ARHGAP44: variants seen among roughly 807,000 people sequenced by gnomAD.
ARHGAP44 encodes rho GTPase-activating protein 44.
In ARHGAP44, 43 loss-of-function variants were observed where a neutral mutation model predicts 106.8. The ratio of observed to expected loss-of-function variants is 0.40; its 90% CI spans 0.32 to 0.52. The LOEUF (loss-of-function observed/expected upper bound fraction) is 0.52. ARHGAP44 is among the 20% of genes least tolerant of loss of function. ARHGAP44 has a pLI of 0.48. For synonymous variants in ARHGAP44, 439 were observed against 410.3 expected (o/e 1.07, Z -0.85); for missense variants, 866 against 1,050.5 (o/e 0.82, Z 2.43).
chr17:12,879,716 T>C (rs201362412), intron 1 of ARHGAP44, among the ~76,000 whole-genome samples: 3 of 141,548 alleles, frequency 2.1e-5, no homozygotes, highest in Non-Finnish European at 4.7e-5. Context: ...CACACACAGT[T>C]AAAAAATATA....
chr17:12,943,033 A>G (rs899384934), intron 8 of ARHGAP44, among the ~76,000 whole-genome samples: 1 of 152,228 alleles, frequency 6.6e-6, no homozygotes, highest in African/African-American at 2.4e-5. Context: ...TAAGTCGTAC[A>G]TATCTCATAA....
At chr17:12,947,672 T>A (rs545741364) in intron 10 of ARHGAP44, among the ~76,000 whole-genome samples, 1 of 152,352 alleles carries the variant, frequency 6.6e-6, no homozygotes, top group African/African-American at 2.4e-5. Flanking sequence ...ATCTAAAGGC[T>A]TATCTGTGAC....
chr17:12,908,147 G>A (rs1185561437), intron 3 of ARHGAP44, among the ~76,000 whole-genome samples: 1 of 147,818 alleles, frequency 6.8e-6, no homozygotes, highest in East Asian at 2.0e-4. Context: ...ATAATTGCAT[G>A]TGAACACTTT....
At chr17:12,928,359 C>G (rs1209249571) in intron 6 of ARHGAP44, among the ~76,000 whole-genome samples, 1 of 152,140 alleles carries the variant, frequency 6.6e-6, no homozygotes, top group Non-Finnish European at 1.5e-5. Flanking sequence ...ATGATAGAGA[C>G]TGTGCTTAAA....
chr17:12,846,213 A>G (rs2035565982), intron 1 of ARHGAP44, among the ~76,000 whole-genome samples: 1 of 152,238 alleles, frequency 6.6e-6, no homozygotes, highest in African/African-American at 2.4e-5. Context: ...GATTTCTGTC[A>G]ATAATTTATC....
At chr17:12,953,662 T>C in intron 13 of ARHGAP44, among the ~76,000 whole-genome samples, 1 of 152,200 alleles carries the variant, frequency 6.6e-6, no homozygotes, top group Non-Finnish European at 1.5e-5. Flanking sequence ...TGTGGTATGT[T>C]CATGTAACGG....
intron 9 of ARHGAP44, 144 bp downstream of exon 9, chr17:12,943,813 A>ACTGGT: frequency 9.8e-7 from 1 of 1,023,964 alleles, no homozygotes; most frequent in Non-Finnish European, 1.4e-6. Flanking sequence ...TTACTTCCAA[A>ACTGGT]CTGGTGCCTT....
chr17:12,796,306 C>G (rs951824330), intron 1 of ARHGAP44, among the ~76,000 whole-genome samples: 9 of 152,096 alleles, frequency 5.9e-5, no homozygotes, highest in African/African-American at 1.9e-4. Flanking sequence ...TACAGTATTC[C>G]ACTGTAGTTA....
chr17:12,896,638 C>T, intron 3 of ARHGAP44, 127 bp downstream of exon 3: 1 of 765,314 alleles, frequency 1.3e-6, no homozygotes, highest in Non-Finnish European at 2.1e-6. Flanking sequence ...GACTCAGCAG[C>T]TCTAGCTGCC....
At chr17:12,837,023 A>G (rs1286901322) in intron 1 of ARHGAP44, among the ~76,000 whole-genome samples, 1 of 152,240 alleles carries the variant, frequency 6.6e-6, no homozygotes, top group Non-Finnish European at 1.5e-5. Flanking sequence ...AAGGTTGACC[A>G]TATTCTCAGT....
chr17:12,816,024 G>A (rs1024835273), intron 1 of ARHGAP44, among the ~76,000 whole-genome samples: 3 of 152,136 alleles, frequency 2.0e-5, no homozygotes, highest in Non-Finnish European at 2.9e-5. Flanking sequence ...TTGAGATATG[G>A]TCTGTGAGGC....
chr17:12,832,649 A>T (rs2035123105), intron 1 of ARHGAP44, among the ~76,000 whole-genome samples: 1 of 152,216 alleles, frequency 6.6e-6, no homozygotes, highest in Non-Finnish European at 1.5e-5. Flanking sequence ...AGTTCAGCCT[A>T]TGCCCAGGAA....
chr17:12,952,598 C>A lies in ARHGAP44; in HGVS notation c.1136+17C>A. 7.8e-6 allele frequency: 12 copies of A among 1,540,030 alleles called. No individual in the cohort carries two copies. The highest frequency in any genetic ancestry group is 1.1e-5 in the Non-Finnish European group (12 of 1,136,264). ...CAACATCCGGTAAGTGGATACTTAC[C>A]AAGTATAGACACATGGCTTGGGCTT... On this transcript the variant is annotated intron_variant, in intron 13 of 20. Transcript: ENST00000379672.
In ARHGAP44 at chr17:12,949,173, C is replaced by A; in HGVS notation, c.895C>A (p.Leu299Met). 6.3e-7 allele frequency: 1 copy of A among 1,581,268 alleles called. No homozygotes were observed. The highest frequency in any genetic ancestry group is 8.6e-7 in the Non-Finnish European group (1 of 1,163,776). ...CCGAGTAGCCCCCTCTGCCTCCAAACTGAAGAAGCTGAAAGCGGCCCTGGA... is the reference window on the plus strand; with the variant it reads ...CCGAGTAGCCCCCTCTGCCTCCAAAATGAAGAAGCTGAAAGCGGCCCTGGA... Reference protein sequence around the residue: ...LFRVAPSASKLKKLKAALDCC... With the variant: ...LFRVAPSASKMKKLKAALDCC... Residue 299 changes from leucine to methionine, a missense_variant, in exon 11 of 21, where the codon CTG (leucine) becomes ATG (methionine). Physicochemically the swap from Leu to Met is conservative, Grantham distance 15 (BLOSUM62 2). Coordinates refer to ENST00000379672, the MANE Select transcript of ARHGAP44 (RefSeq NM_014859.6). This position sits in a 1 kb window ranked among gnomAD's most constrained non-coding sequence, Gnocchi z 4.1.
chr17:12,929,169 C>T, intron 7 of ARHGAP44, 123 bp downstream of exon 7: 1 of 884,700 alleles, frequency 1.1e-6, no homozygotes. Context: ...TGAATGTCCC[C>T]AAGCCCGCCG....
At chr17:12,922,198 T>C (rs1234997208) in intron 6 of ARHGAP44, among the ~76,000 whole-genome samples, 2 of 152,210 alleles carry the variant, frequency 1.3e-5, no homozygotes, top group Non-Finnish European at 2.9e-5. Context: ...GCCTGTTGAC[T>C]GTGGAAGAAT....
chr17:12,965,865 C>A (rs1171883105), intron 16 of ARHGAP44, among the ~76,000 whole-genome samples: 1 of 152,092 alleles, frequency 6.6e-6, no homozygotes, highest in Non-Finnish European at 1.5e-5. Flanking sequence ...ACATTAAAAT[C>A]CCTGAGGCCA....
chr17:12,810,433 C>G (rs7212932), intron 1 of ARHGAP44, among the ~76,000 whole-genome samples: 27,465 of 152,048 alleles, frequency 0.18, 4,236 homozygotes, highest in African/African-American at 0.41. Context: ...TGATAGGAGT[C>G]TCTTTATTAT....
At chr17:12,911,581 C>T (rs2037739876) in intron 4 of ARHGAP44, among the ~76,000 whole-genome samples, 2 of 152,180 alleles carry the variant, frequency 1.3e-5, no homozygotes, top group South Asian at 4.1e-4. Flanking sequence ...GGTGATTAAA[C>T]TCACGAATGT....
Sources: allele counts gnomAD v4.1 joint callset (sites outside exome capture counted in the v4.1 genomes callset), GRCh38; gene constraint gnomAD v4.1.1; non-coding constraint Gnocchi (gnomAD v3.1); transcripts MANE v1.5; gene names NCBI Gene and HGNC (gene_info 2026-07-23, HGNC 2026-07-21).